The following DPP6 variants were observed in gnomAD, a reference collection of about 807,000 sequenced individuals.
DPP6 encodes the protein A-type potassium channel modulatory protein DPP6.
In DPP6, 69 loss-of-function variants were observed where a neutral mutation model predicts 122.6. The observed-to-expected ratio is 0.56, with a 90% CI of 0.46 to 0.69. The LOEUF (loss-of-function observed/expected upper bound fraction) is 0.69. Ranked by LOEUF, DPP6 falls within the 30% of genes least tolerant of loss-of-function variation. The pLI, the probability that DPP6 is intolerant of heterozygous loss-of-function variation, is 0.00. For missense variants in DPP6, 928 were observed against 1,116.9 expected, an observed-to-expected ratio of 0.83 and a Z score of 2.41; for synonymous variants, 418 against 433.1, an observed-to-expected ratio of 0.97 and a Z score of 0.43.
chr7:154,713,538 A>G (rs969586484), intron 7 of DPP6, among the ~76,000 whole-genome samples: 9 of 152,214 alleles, frequency 5.9e-5, no homozygotes, highest in Admixed American at 1.3e-4. Context: ...CTTGACTTCT[A>G]TGCACCTGCA....
intron 3 of DPP6, among the ~76,000 whole-genome samples, chr7:154,522,979 G>A (rs1827123396): frequency 2.0e-5 from 3 of 152,176 alleles, no homozygotes; most frequent in South Asian, 2.1e-4. Context: ...CCTCTGGGGC[G>A]GGGATCGCCT....
rs1222560704 is a variant in DPP6, at chr7:154,481,384, T to C, written c.457+6347T>C. 1.3e-5 allele frequency among the ~76,000 whole-genome samples: 2 copies of C among 152,014 alleles called. No homozygotes were observed. Among genetic ancestry groups the C allele is most frequent in the East Asian group, 3.9e-4 (2 of 5,130 alleles). ...GTGTGTGTGTGTGTGTCTGTGTGTGTGTGCATGTCAGTCACTGGCTAATTT... is the reference window on the plus strand; with the variant it reads ...GTGTGTGTGTGTGTGTCTGTGTGTGCGTGCATGTCAGTCACTGGCTAATTT... On this transcript the variant is annotated intron_variant, in intron 3 of 25. Transcript: ENST00000377770. The surrounding 1 kb of genome is among the most constrained non-coding windows in gnomAD (Gnocchi z 4.2).
intron 3 of DPP6, among the ~76,000 whole-genome samples, chr7:154,530,564 C>T (rs1827762037): frequency 6.6e-6 from 1 of 152,114 alleles, no homozygotes; most frequent in Non-Finnish European, 1.5e-5. Flanking sequence ...TTAGTTCAAC[C>T]ATTATGGAAG....
intron 1 of DPP6, among the ~76,000 whole-genome samples, chr7:154,381,514 T>C (rs547889483): frequency 6.6e-6 from 1 of 152,320 alleles, no homozygotes; most frequent in Admixed American, 6.5e-5. Flanking sequence ...TACACATCTA[T>C]AATGTATGAC....
At chr7:153,964,454 G>T (rs188550445) in intron 1 of DPP6, among the ~76,000 whole-genome samples, 246 of 151,328 alleles carry the variant, frequency 1.6e-3, no homozygotes, top group African/African-American at 5.4e-3. Context: ...AGCAGCACTG[G>T]CCATCTACCT....
intron 20 of DPP6, among the ~76,000 whole-genome samples, chr7:154,878,618 C>T (rs1454262379): frequency 2.6e-5 from 4 of 152,216 alleles, no homozygotes; most frequent in Non-Finnish European, 4.4e-5. Flanking sequence ...ACAGTTCCCC[C>T]GTCCACCACC....
chr7:154,838,588 CG>C (rs1344646645), intron 16 of DPP6: 1 of 152,214 alleles, frequency 6.6e-6, no homozygotes, highest in Non-Finnish European at 1.5e-5. Flanking sequence ...TGCCCAGGAC[CG>C]CAGCGGGATG....
intron 1 of DPP6, among the ~76,000 whole-genome samples, chr7:154,375,473 C>T (rs1367205051): frequency 6.6e-6 from 1 of 152,152 alleles, no homozygotes; most frequent in Admixed American, 6.5e-5. Context: ...AGGTCCTAAC[C>T]TCCACTGTGC....
chr7:154,013,003 C>T (rs1292442991), intron 1 of DPP6, among the ~76,000 whole-genome samples: 5 of 152,294 alleles, frequency 3.3e-5, no homozygotes, highest in African/African-American at 9.6e-5. Context: ...GTCATCAACC[C>T]TGCATATTCC....
At chr7:154,148,752 C>T (rs1227128327) in intron 1 of DPP6, among the ~76,000 whole-genome samples, 2 of 152,236 alleles carry the variant, frequency 1.3e-5, no homozygotes, top group African/African-American at 4.8e-5. Flanking sequence ...AAAATGCTTC[C>T]AAAATGCCTC....
At chr7:154,197,917 C>T (rs1244833662) in intron 1 of DPP6, among the ~76,000 whole-genome samples, 2 of 152,228 alleles carry the variant, frequency 1.3e-5, no homozygotes, top group East Asian at 3.9e-4. Flanking sequence ...GAATTTCATT[C>T]CAGCAGGAGC....
chr7:153,838,070 A>G, the DPP6 span, among the ~76,000 whole-genome samples: 6 of 152,020 alleles, frequency 3.9e-5, no homozygotes, highest in African/African-American at 1.4e-4. Context: ...GGCAAGTACA[A>G]TCATGAACAG....
intron 1 of DPP6, among the ~76,000 whole-genome samples, chr7:154,365,174 G>C (rs1033788842): frequency 1.3e-5 from 2 of 152,168 alleles, no homozygotes; most frequent in Non-Finnish European, 2.9e-5. Context: ...TCATTGCACC[G>C]TAGGTTATTG....
rs1802482424 is a variant in DPP6 at position 154,852,474 on chromosome 7, G to GCTCTCCTGGCTCTCCTGCCTCTCCTGC, written c.1667-1298_1667-1297insGCTCTCCTGCCTCTCCTGCCTCTCCTG. Among the ~76,000 whole-genome samples, 4 of 139,170 alleles carry GCTCTCCTGGCTCTCCTGCCTCTCCTGC rather than the reference G, an allele frequency of 2.9e-5. No individual in the cohort carries two copies. In the South Asian group the frequency reaches 9.1e-4, roughly 32 times the overall value. 91.3% of individuals were successfully genotyped at this position (139,170 alleles called of 152,430 possible). A position where few individuals can be genotyped will look rare whatever the true frequency, so the allele number is the denominator to read the frequency against. On this transcript the variant is annotated intron_variant, in intron 16 of 25. Transcript: ENST00000377770. ...TGAGCCAAAGGGACAGGCTCTCCTG[G>GCTCTCCTGGCTCTCCTGCCTCTCCTGC]CTCTCCTGCCTCTCCTGCCTCTCCT...
intron 1 of DPP6, among the ~76,000 whole-genome samples, chr7:154,036,960 T>C (rs1476654862): frequency 1.3e-5 from 2 of 152,282 alleles, no homozygotes; most frequent in African/African-American, 2.4e-5. Flanking sequence ...CAGTAGAAAC[T>C]CTATCCCAAG....
intron 1 of DPP6, among the ~76,000 whole-genome samples, chr7:153,918,201 A>C (rs1800411125): frequency 6.6e-6 from 1 of 152,176 alleles, no homozygotes. Context: ...GGTCTCTACA[A>C]CATGACCCTA....
chr7:154,082,556 A>G (rs1804097622), intron 1 of DPP6, among the ~76,000 whole-genome samples: 1 of 151,864 alleles, frequency 6.6e-6, no homozygotes, highest in Non-Finnish European at 1.5e-5. Flanking sequence ...GTTCCATTAA[A>G]CGACATGAAG....
Position 154,746,126 on chromosome 7 carries a change from G to A in DPP6, c.883+18239G>A, listed in dbSNP as rs1382873458. On this transcript the variant is annotated intron_variant, in intron 8 of 25. Transcript: ENST00000377770. ...ATACATGAGTCTTCAAGAGAAGCCA[G>A]ACAACATTCCAGGATTTCAGAAAGG... 2.0e-5 allele frequency among the ~76,000 whole-genome samples: 3 copies of A among 152,198 alleles called. No individual in the cohort carries two copies. The East Asian group carries it at 5.8e-4, about 29-fold the overall frequency.
At chr7:154,734,273 C>T (rs978580398) in intron 8 of DPP6, among the ~76,000 whole-genome samples, 1 of 152,216 alleles carries the variant, frequency 6.6e-6, no homozygotes, top group African/African-American at 2.4e-5. Flanking sequence ...TGAGCCCCAA[C>T]CTTTTATGCT....
Sources: allele counts gnomAD v4.1 joint callset (sites outside exome capture counted in the v4.1 genomes callset), GRCh38; gene constraint gnomAD v4.1.1; non-coding constraint Gnocchi (gnomAD v3.1); transcripts MANE v1.5; gene names NCBI Gene and HGNC (gene_info 2026-07-23, HGNC 2026-07-21).